The following DNAAF9 variants were observed in gnomAD, a reference collection of about 807,000 sequenced individuals.
DNAAF9 encodes dynein axonemal assembly factor 9, also known as shulin.
DNAAF9 carries 90 observed loss-of-function variants against 167.0 expected under a neutral mutation model. That is an observed-to-expected ratio of 0.54 (90% CI 0.45 to 0.64). The LOEUF (loss-of-function observed/expected upper bound fraction) is 0.64, where lower values mean the gene tolerates loss of function less well. Among genes scored for constraint, DNAAF9 ranks in the 30% least tolerant of loss-of-function variants. The pLI is 0.00. For synonymous variants in DNAAF9, 491 were observed against 508.8 expected (o/e 0.96, Z 0.47); for missense variants, 1,315 against 1,442.2 (o/e 0.91, Z 1.43).
chr20:3,316,890 CTTTTTTTTTTT>C (rs11424663), intron 17 of DNAAF9, 97 bp from the exon 18 acceptor site: 8 of 250,656 alleles, frequency 3.2e-5, no homozygotes, highest in South Asian at 2.3e-4. Flanking sequence ...AGCTAGGGTT[CTTTTTTTTTTT>C]TTTTTTTTTT....
intron 31 of DNAAF9, among the ~76,000 whole-genome samples, chr20:3,260,886 C>T (rs1435344414): frequency 6.6e-6 from 1 of 152,202 alleles, no homozygotes; most frequent in Non-Finnish European, 1.5e-5. Flanking sequence ...CCCACCTCAA[C>T]TTCCCAAAGT....
In DNAAF9 at chr20:3,264,783, T is replaced by G. The variant is rs536366878; in HGVS notation, c.2787-259A>C. ...CGGGGTTTCACCATGTTGGCCAGGATCGTCTCAATCTCCTGACCTCATGAT... is the reference window on the plus strand; with the variant it reads ...CGGGGTTTCACCATGTTGGCCAGGAGCGTCTCAATCTCCTGACCTCATGAT... On this transcript the variant is annotated intron_variant, in intron 30 of 36. Coordinates refer to ENST00000252032, the MANE Select transcript of DNAAF9 (RefSeq NM_001009984.3). Among the ~76,000 whole-genome samples the G allele has an allele frequency of 1.3e-3, 205 of 152,316 alleles. 1 individual carries two copies. The highest frequency in any genetic ancestry group is 1.4e-3 in the Non-Finnish European group (95 of 68,018).
Position 3,326,269 on chromosome 20 carries a change from C to G in DNAAF9, c.1116G>C (p.Gln372His). 1 of 1,612,688 alleles carries G rather than the reference C, an allele frequency of 6.2e-7. No homozygotes were observed. Among genetic ancestry groups the G allele is most frequent in the Non-Finnish European group, 8.5e-7 (1 of 1,178,828 alleles). The change falls in exon 13 of 37, where the codon CAG (glutamine) becomes CAC (histidine). Residue 372 changes from glutamine to histidine, a missense_variant. This residue lies in a region of DNAAF9 where 981 missense variants were observed against 1,012.5 expected (regional missense o/e 0.97). Coordinates refer to ENST00000252032, the MANE Select transcript of DNAAF9 (RefSeq NM_001009984.3). ...KKTEQIRLLS[Q>H]IYAAVIEAVL... ...CAGCCTCAATAACAGCAGCATATATCTGGGACAATAGCCTACTTTAAAAAC... is the reference window on the plus strand; with the variant it reads ...CAGCCTCAATAACAGCAGCATATATGTGGGACAATAGCCTACTTTAAAAAC...
intron 18 of DNAAF9, chr20:3,316,027 G>A (rs1600767860): frequency 3.6e-6 from 2 of 559,630 alleles, no homozygotes; most frequent in East Asian, 5.8e-5. Context: ...CTTATGACAA[G>A]CAGAGGGGAT....
intron 11 of DNAAF9, among the ~76,000 whole-genome samples, chr20:3,331,918 C>T (rs2069836763): frequency 6.6e-6 from 1 of 152,206 alleles, no homozygotes; most frequent in African/African-American, 2.4e-5. Flanking sequence ...AAGTGATCTG[C>T]CTGCCTGGGC....
chr20:3,374,426 A>C (rs1444488394), intron 5 of DNAAF9, among the ~76,000 whole-genome samples: 2 of 152,266 alleles, frequency 1.3e-5, no homozygotes, highest in African/African-American at 2.4e-5. Context: ...TAAGTAAAAA[A>C]TAAGAGTAGT....
intron 31 of DNAAF9, among the ~76,000 whole-genome samples, chr20:3,263,396 T>G (rs1286152640): frequency 6.6e-6 from 1 of 152,166 alleles, no homozygotes; most frequent in Non-Finnish European, 1.5e-5. Context: ...AGAGATTAAT[T>G]CTGGCCAAGC....
intron 20 of DNAAF9, among the ~76,000 whole-genome samples, chr20:3,310,513 C>T (rs2069395493): frequency 6.6e-6 from 1 of 151,666 alleles, no homozygotes; most frequent in Non-Finnish European, 1.5e-5. Flanking sequence ...GGCGAAACCC[C>T]GTCTCTATTA....
intron 33 of DNAAF9, among the ~76,000 whole-genome samples, chr20:3,258,065 CATAT>C: frequency 2.2e-5 from 2 of 92,320 alleles, no homozygotes; most frequent in African/African-American, 1.1e-4. Context: ...GGGGTTTCAC[CATAT>C]TGGCCAGGCT....
At chr20:3,375,270 T>G (rs2083560741) in intron 4 of DNAAF9, 144 bp from the exon 5 acceptor site, 1 of 592,678 alleles carries the variant, frequency 1.7e-6, no homozygotes, top group African/African-American at 1.9e-5. Flanking sequence ...AAAGCCAACC[T>G]TTTTCATTTG....
At chr20:3,405,179 G>A (rs2084039193) in intron 1 of DNAAF9, among the ~76,000 whole-genome samples, 1 of 152,152 alleles carries the variant, frequency 6.6e-6, no homozygotes, top group African/African-American at 2.4e-5. Flanking sequence ...AAAATACCTG[G>A]TAAGACTGAT....
At position 3,315,720 on chromosome 20, in the gene DNAAF9, A is replaced by G. The variant is rs745953650; in HGVS notation, c.1590+15T>C. 1.9e-6 allele frequency: 3 copies of G among 1,600,634 alleles called. No individual in the cohort carries two copies. In the Admixed American group the frequency reaches 5.0e-5, roughly 27 times the overall value. ...TTGATATAATGTTCACACTGAGAAT[A>G]AGAAGGCTGCTTACCCTCACTGCTT... On this transcript the variant is annotated intron_variant, in intron 19 of 36. Coordinates refer to ENST00000252032, the MANE Select transcript of DNAAF9 (RefSeq NM_001009984.3). The surrounding 1 kb of genome is among the most constrained non-coding windows in gnomAD (Gnocchi z 4.1).
intron 1 of DNAAF9, among the ~76,000 whole-genome samples, chr20:3,397,732 C>CATCT (rs2083930598): frequency 6.6e-6 from 1 of 151,016 alleles, no homozygotes; most frequent in African/African-American, 2.4e-5. Context: ...GGGGGGGGAA[C>CATCT]ATCTACCAGT....
At chr20:3,383,276 T>TG (rs1212018610) in intron 1 of DNAAF9, among the ~76,000 whole-genome samples, 6 of 143,726 alleles carry the variant, frequency 4.2e-5, no homozygotes, top group Admixed American at 1.4e-4. Context: ...TAACACTTTT[T>TG]TTTTTTTTTT....
chr20:3,260,711 T>C (rs1216630656), intron 31 of DNAAF9, among the ~76,000 whole-genome samples: 1 of 151,172 alleles, frequency 6.6e-6, no homozygotes, highest in Non-Finnish European at 1.5e-5. Flanking sequence ...CTCCCTGCTA[T>C]CTCCGCCTCC....
At chr20:3,270,787 C>T (rs575493446) in intron 29 of DNAAF9, among the ~76,000 whole-genome samples, 1 of 150,908 alleles carries the variant, frequency 6.6e-6, no homozygotes, top group Non-Finnish European at 1.5e-5. Context: ...AGCTGCCTTA[C>T]TACCTAACCC....
intron 12 of DNAAF9, among the ~76,000 whole-genome samples, chr20:3,327,166 T>C (rs984427020): frequency 6.6e-6 from 1 of 152,182 alleles, no homozygotes; most frequent in Non-Finnish European, 1.5e-5. Context: ...CTGGTTCATT[T>C]CAGGGAACCA....
intron 20 of DNAAF9, among the ~76,000 whole-genome samples, chr20:3,310,331 GA>G (rs1555790603): frequency 1.3e-5 from 1 of 79,694 alleles, no homozygotes; most frequent in South Asian, 4.6e-4. Flanking sequence ...GAAAGAGAAA[GA>G]AAAAGAAAGA....
At chr20:3,281,579 T>G in intron 28 of DNAAF9, 62 bp downstream of exon 28, 1 of 1,484,840 alleles carries the variant, frequency 6.7e-7, no homozygotes, top group Non-Finnish European at 9.1e-7. Flanking sequence ...AAGATCTGTC[T>G]TCTTCTGGTG....
Sources: allele counts gnomAD v4.1 joint callset (sites outside exome capture counted in the v4.1 genomes callset), GRCh38; gene constraint gnomAD v4.1.1; regional missense constraint gnomAD v4.1.1; non-coding constraint Gnocchi (gnomAD v3.1); transcripts MANE v1.5; gene names NCBI Gene and HGNC (gene_info 2026-07-23, HGNC 2026-07-21).